Variants in UNC5C observed in about 807,000 individuals in gnomAD.
UNC5C encodes the protein netrin receptor UNC5C.
In UNC5C, 47 loss-of-function variants were observed where a neutral mutation model predicts 99.8. The observed-to-expected ratio is 0.47, with a 90% CI of 0.37 to 0.60. UNC5C has a LOEUF of 0.60. Among genes scored for constraint, UNC5C ranks in the 20% least tolerant of loss-of-function variants. The pLI is 0.00. For missense variants in UNC5C, 1,062 were observed against 1,165.9 expected (o/e 0.91, Z 1.30); for synonymous variants, 487 against 452.2 (o/e 1.08, Z -0.98).
intron 4 of UNC5C, among the ~76,000 whole-genome samples, chr4:95,252,446 C>T (rs1739781157): frequency 6.6e-6 from 1 of 152,164 alleles, no homozygotes. Flanking sequence ...AGCCCTCAGG[C>T]TCACGGATTG....
At chr4:95,307,006 T>G (rs766860691) in intron 2 of UNC5C, among the ~76,000 whole-genome samples, 20 of 152,198 alleles carry the variant, frequency 1.3e-4, no homozygotes, top group Non-Finnish European at 2.8e-4. Flanking sequence ...TCTAGATGTC[T>G]TAATATTAAT....
intron 1 of UNC5C, among the ~76,000 whole-genome samples, chr4:95,343,866 G>A (rs527606231): frequency 5.3e-5 from 8 of 152,064 alleles, no homozygotes; most frequent in South Asian, 4.2e-4. Flanking sequence ...GCTTGAAGTC[G>A]GGTTATTTGA....
intron 13 of UNC5C, among the ~76,000 whole-genome samples, chr4:95,183,320 C>G (rs1310091058): frequency 6.6e-6 from 1 of 151,986 alleles, no homozygotes; most frequent in African/African-American, 2.4e-5. Flanking sequence ...CTCCAGAATC[C>G]ATGTACCTAA....
chr4:95,350,846 T>G (rs2149429246), intron 1 of UNC5C, among the ~76,000 whole-genome samples: 1 of 152,244 alleles, frequency 6.6e-6, no homozygotes. Context: ...AAACATCAAC[T>G]TAGGTGTTTC....
At chr4:95,421,844 T>A (rs150536190) in intron 1 of UNC5C, among the ~76,000 whole-genome samples, 2 of 152,324 alleles carry the variant, frequency 1.3e-5, no homozygotes, top group East Asian at 3.9e-4. Flanking sequence ...GATTTTATGG[T>A]TCATTTTACT....
intron 1 of UNC5C, among the ~76,000 whole-genome samples, chr4:95,339,740 G>GA (rs1387721581): frequency 1.3e-5 from 2 of 152,042 alleles, no homozygotes; most frequent in Non-Finnish European, 2.9e-5. Flanking sequence ...TGCTGGTATT[G>GA]ACTGCATTGT....
At chr4:95,303,379 A>G (rs1741944328) in intron 2 of UNC5C, among the ~76,000 whole-genome samples, 1 of 151,732 alleles carries the variant, frequency 6.6e-6, no homozygotes, top group Admixed American at 6.6e-5. Flanking sequence ...TACAATGTTT[A>G]TAATTCTCAG....
chr4:95,489,145 AGAAGGAAG>A (rs1278690080), intron 1 of UNC5C, among the ~76,000 whole-genome samples: 4 of 150,398 alleles, frequency 2.7e-5, no homozygotes, highest in African/African-American at 7.3e-5. Flanking sequence ...GAAGGAAGAA[AGAAGGAAG>A]GAAGGAAGGA....
chr4:95,188,057 T>G (rs1358769192), intron 12 of UNC5C, among the ~76,000 whole-genome samples: 1 of 152,194 alleles, frequency 6.6e-6, no homozygotes, highest in African/African-American at 2.4e-5. Context: ...TACATAAAAT[T>G]TAAAAATACA....
At chr4:95,306,970 T>C (rs76425015) in intron 2 of UNC5C, among the ~76,000 whole-genome samples, 2,095 of 152,312 alleles carry the variant, frequency 0.014, 45 homozygotes, top group African/African-American at 0.046. Flanking sequence ...TTTACTAGTA[T>C]TATTTAAAAT....
rs373404635 is a variant in UNC5C at position 95,177,113 on chromosome 4, C to T, written c.2451+5784G>A. 1.8e-4 allele frequency among the ~76,000 whole-genome samples: 27 copies of T among 152,304 alleles called. 2 individuals are homozygous for T. The highest frequency in any genetic ancestry group is 6.8e-3 in the Middle Eastern group (2 of 294). Reference sequence around the variant, plus strand: ...GCCCTCCTTCGGCTCACGCACGGTGCGCGCACCCACTGACCTGCGCCCACT... The same window carrying T: ...GCCCTCCTTCGGCTCACGCACGGTGTGCGCACCCACTGACCTGCGCCCACT... On this transcript the variant is annotated intron_variant, in intron 14 of 15. Coordinates refer to ENST00000453304, the MANE Select transcript of UNC5C (RefSeq NM_003728.4).
intron 1 of UNC5C, among the ~76,000 whole-genome samples, chr4:95,476,000 T>TA (rs1748133734): frequency 6.6e-6 from 1 of 152,134 alleles, no homozygotes; most frequent in African/African-American, 2.4e-5. Context: ...CCCAGTTAGA[T>TA]AAGTAAATAT....
intron 4 of UNC5C, among the ~76,000 whole-genome samples, chr4:95,269,479 G>A (rs560928371): frequency 6.6e-6 from 1 of 151,788 alleles, no homozygotes; most frequent in African/African-American, 2.4e-5. Flanking sequence ...GTAGAGTTGG[G>A]GTTCTCTTAC....
rs1462526131 is a variant in UNC5C at position 95,206,595 on chromosome 4, T to C, written c.1902+33A>G. The C allele has an allele frequency of 7.4e-6, 12 of 1,613,246 alleles. No individual in the cohort carries two copies. The Admixed American group carries it at 2.0e-4, about 27-fold the overall frequency. On this transcript the variant is annotated intron_variant, in intron 11 of 15. Coordinates refer to ENST00000453304, the MANE Select transcript of UNC5C (RefSeq NM_003728.4). ...TCCTGCTTATCTGCATGGATTATTC[T>C]TGCATAGCATCTTTATCCCGACAGC...
chr4:95,402,895 A>G (rs1006846825), intron 1 of UNC5C, among the ~76,000 whole-genome samples: 2 of 152,204 alleles, frequency 1.3e-5, no homozygotes, highest in African/African-American at 2.4e-5. Flanking sequence ...TCTCTTTGAG[A>G]CATTTCTTCT....
rs1744108065 is a variant in UNC5C at position 95,354,488 on chromosome 4, T to TTTTTTTTTTA, written c.125-18858_125-18857insTAAAAAAAAA. Among the ~76,000 whole-genome samples the TTTTTTTTTTA allele has an allele frequency of 6.9e-5, 10 of 145,956 alleles. No individual in the cohort carries two copies. The South Asian group carries it at 1.9e-3, about 28-fold the overall frequency. ...TCTTCCATATATATATATTTTTTTT[T>TTTTTTTTTTA]TTTTTTTAAGAGACAGGGTCTTGTC... is the stretch of plus-strand genomic sequence containing the variant. On this transcript the variant is annotated intron_variant, in intron 1 of 15. Coordinates refer to ENST00000453304, the MANE Select transcript of UNC5C (RefSeq NM_003728.4).
intron 1 of UNC5C, among the ~76,000 whole-genome samples, chr4:95,481,897 A>G (rs1721168173): frequency 1.3e-5 from 2 of 152,098 alleles, no homozygotes; most frequent in Non-Finnish European, 2.9e-5. Context: ...ACCTAAAACC[A>G]TAAAAACCCT....
At chr4:95,258,273 G>A (rs76164224) in intron 4 of UNC5C, among the ~76,000 whole-genome samples, 3,853 of 152,230 alleles carry the variant, frequency 0.025, 154 homozygotes, top group African/African-American at 0.088. Context: ...CAGTACTCTG[G>A]TCTGGCCACT....
At chr4:95,516,310 A>G (rs1373270918) in intron 1 of UNC5C, among the ~76,000 whole-genome samples, 1 of 152,144 alleles carries the variant, frequency 6.6e-6, no homozygotes, top group Non-Finnish European at 1.5e-5. Context: ...AACCTTGTGG[A>G]CTGGAGGTTC....
Sources: gnomAD v4.1 joint callset for allele counts (sites outside exome capture counted in the v4.1 genomes callset) on GRCh38, gnomAD v4.1.1 for gene constraint, MANE v1.5 for transcripts, NCBI Gene and HGNC (gene_info 2026-07-23, HGNC 2026-07-21) for gene names.